The following CADPS variants were observed in gnomAD, a reference collection of about 807,000 sequenced individuals.
CADPS encodes the protein calcium dependent secretion activator, also known as calcium-dependent secretion activator 1.
CADPS carries 57 observed loss-of-function variants against 167.3 expected under a neutral mutation model. The observed-to-expected ratio is 0.34, with a 90% CI of 0.28 to 0.42. The LOEUF is 0.42. Ranked by LOEUF, CADPS falls within the 20% of genes least tolerant of loss-of-function variation. CADPS has a pLI of 1.00. For missense variants in CADPS, 1,414 were observed against 1,738.1 expected, an observed-to-expected ratio of 0.81 and a Z score of 3.32; for synonymous variants, 676 against 635.3, an observed-to-expected ratio of 1.06 and a Z score of -0.96.
At chr3:62,756,499 G>C (rs981208889) in intron 2 of CADPS, among the ~76,000 whole-genome samples, 1 of 152,228 alleles carries the variant, frequency 6.6e-6, no homozygotes, top group Non-Finnish European at 1.5e-5. Flanking sequence ...CTAGGTGGAA[G>C]ACACTGTACC....
At chr3:62,423,572 T>C (rs576644732) in intron 28 of CADPS, among the ~76,000 whole-genome samples, 5 of 152,244 alleles carry the variant, frequency 3.3e-5, no homozygotes, top group Non-Finnish European at 7.3e-5. Context: ...GCTATTCTTG[T>C]GGTCAGAAAG....
intron 27 of CADPS, 43 bp downstream of exon 27, chr3:62,445,722 A>T: frequency 2.9e-6 from 4 of 1,402,308 alleles, no homozygotes; most frequent in Non-Finnish European, 3.9e-6. Flanking sequence ...GAAAAAAAAA[A>T]AAAACAAAAA....
chr3:62,452,624 C>T (rs2058213845), intron 26 of CADPS, among the ~76,000 whole-genome samples: 1 of 152,188 alleles, frequency 6.6e-6, no homozygotes, highest in African/African-American at 2.4e-5. Context: ...GTGTCATAGT[C>T]TCATTTTGTG....
intron 8 of CADPS, among the ~76,000 whole-genome samples, chr3:62,574,985 C>T (rs1273761946): frequency 6.6e-6 from 1 of 152,184 alleles, no homozygotes; most frequent in Non-Finnish European, 1.5e-5. Flanking sequence ...CTTCAAAGAT[C>T]AAATTCAGGA....
At chr3:62,667,846 G>C (rs924702204) in intron 3 of CADPS, among the ~76,000 whole-genome samples, 1 of 151,926 alleles carries the variant, frequency 6.6e-6, no homozygotes, top group Non-Finnish European at 1.5e-5. Context: ...ATAGGTCTAC[G>C]TATCAGCAAA....
At chr3:62,731,883 A>C (rs2077967558) in intron 3 of CADPS, among the ~76,000 whole-genome samples, 1 of 151,398 alleles carries the variant, frequency 6.6e-6, no homozygotes, top group African/African-American at 2.4e-5. Context: ...CGTGCTGAAA[A>C]CAAAAGGGCG....
At chr3:62,470,252 C>A (rs1342255427) in intron 24 of CADPS, among the ~76,000 whole-genome samples, 1 of 152,116 alleles carries the variant, frequency 6.6e-6, no homozygotes, top group Non-Finnish European at 1.5e-5. Context: ...GATTTCATCA[C>A]CTGGCCAGTA....
At chr3:62,673,312 C>A (rs1466408630) in intron 3 of CADPS, among the ~76,000 whole-genome samples, 1 of 152,174 alleles carries the variant, frequency 6.6e-6, no homozygotes, top group Non-Finnish European at 1.5e-5. Context: ...GTGCTCAAAT[C>A]ATGACCTAAA....
At chr3:62,756,672 T>G (rs1041212421) in intron 2 of CADPS, among the ~76,000 whole-genome samples, 1 of 152,208 alleles carries the variant, frequency 6.6e-6, no homozygotes, top group Non-Finnish European at 1.5e-5. Flanking sequence ...TTCTAATATG[T>G]GGTCAAGAAA....
chr3:62,763,388 G>A (rs531414929), intron 2 of CADPS, among the ~76,000 whole-genome samples: 3 of 152,202 alleles, frequency 2.0e-5, no homozygotes, highest in African/African-American at 4.8e-5. Context: ...GTCGAGAGGT[G>A]GGGGGAAGAT....
chr3:62,447,366 G>A (rs547411389), intron 26 of CADPS, among the ~76,000 whole-genome samples: 8 of 152,262 alleles, frequency 5.3e-5, no homozygotes, highest in Admixed American at 2.0e-4. Context: ...CCCCCAAGAC[G>A]ATTCCTGGAG....
chr3:62,754,314 T>C (rs1207040386), intron 2 of CADPS, among the ~76,000 whole-genome samples: 1 of 152,080 alleles, frequency 6.6e-6, no homozygotes, highest in Admixed American at 6.5e-5. Flanking sequence ...TGGGACTAAG[T>C]GCATGCCACC....
chr3:62,768,670 A>G (rs6774880), intron 1 of CADPS, among the ~76,000 whole-genome samples: 1,984 of 152,222 alleles, frequency 0.013, 52 homozygotes, highest in African/African-American at 0.046. Context: ...AAGGAATCAA[A>G]AGAAATAAGG....
chr3:62,857,810 T>C (rs1380270506), intron 1 of CADPS, among the ~76,000 whole-genome samples: 3 of 152,094 alleles, frequency 2.0e-5, no homozygotes, highest in Non-Finnish European at 2.9e-5. Flanking sequence ...TTTTTGTTTA[T>C]AGAAACTGTA....
At chr3:62,600,545 G>A (rs1178253454) in intron 6 of CADPS, among the ~76,000 whole-genome samples, 1 of 152,130 alleles carries the variant, frequency 6.6e-6, no homozygotes. Flanking sequence ...TAATCTAAAA[G>A]CGCCATATTG....
At chr3:62,822,033 T>G (rs2094945086) in intron 1 of CADPS, among the ~76,000 whole-genome samples, 1 of 152,184 alleles carries the variant, frequency 6.6e-6, no homozygotes, top group South Asian at 2.1e-4. Flanking sequence ...CTCAAGCCAG[T>G]GTTGGTGCAT....
intron 17 of CADPS, among the ~76,000 whole-genome samples, chr3:62,507,007 T>A (rs2066808681): frequency 6.6e-6 from 1 of 152,238 alleles, no homozygotes; most frequent in African/African-American, 2.4e-5. Flanking sequence ...AACTCCTTCA[T>A]GGATTTCCTA....
chr3:62,533,057 C>T lies in CADPS; in HGVS notation c.2105G>A (p.Gly702Asp). The T allele has an allele frequency of 1.2e-6, 2 of 1,612,680 alleles. No homozygotes were observed. Among genetic ancestry groups the T allele is most frequent in the Non-Finnish European group, 1.7e-6 (2 of 1,179,076 alleles). ...AAACACCTGGCCAGGACTGAACCAG[C>T]CCTATATAAAGAATAAAGGAGAGAC... ...HRLNDSYSCL[G>D]WFSPGQVFVL... The change falls in exon 13 of 30, where the codon GGC (glycine) becomes GAC (aspartate). Residue 702 changes from glycine to aspartate, a missense_variant and splice_region_variant. Gly to Asp is a moderately conservative substitution (Grantham distance 94). Transcript: ENST00000383710.
intron 6 of CADPS, among the ~76,000 whole-genome samples, chr3:62,623,514 C>T (rs1049028274): frequency 3.3e-5 from 5 of 152,234 alleles, no homozygotes; most frequent in Admixed American, 6.6e-5. Flanking sequence ...TATACTACAC[C>T]GGAATGGATT....
Sources: gnomAD v4.1 joint callset for allele counts (sites outside exome capture counted in the v4.1 genomes callset) on GRCh38, gnomAD v4.1.1 for gene constraint, MANE v1.5 for transcripts, NCBI Gene and HGNC (gene_info 2026-07-23, HGNC 2026-07-21) for gene names.